Variants in CRPPA observed in about 807,000 individuals in gnomAD.
CRPPA encodes CDP-L-ribitol pyrophosphorylase A.
A neutral mutation model predicts 52.0 loss-of-function variants in CRPPA; 43 were observed. That is an observed-to-expected ratio of 0.83 (90% CI 0.65 to 1.07). The LOEUF (loss-of-function observed/expected upper bound fraction) is 1.07. Ranked by LOEUF, CRPPA falls within the 50% of genes least tolerant of loss-of-function variation. The pLI is 0.00. For missense variants in CRPPA, 629 were observed against 551.7 expected (o/e 1.14, Z -1.40); for synonymous variants, 250 against 203.5 (o/e 1.23, Z -1.94).
intron 2 of CRPPA, among the ~76,000 whole-genome samples, chr7:16,381,920 A>G (rs1172562698): frequency 6.6e-6 from 1 of 152,132 alleles, no homozygotes; most frequent in Admixed American, 6.5e-5. Context: ...AATACAGTGC[A>G]CTGATGGGTC....
At chr7:16,130,619 T>A (rs1246834783) in intron 9 of CRPPA, among the ~76,000 whole-genome samples, 1 of 152,234 alleles carries the variant, frequency 6.6e-6, no homozygotes, top group Non-Finnish European at 1.5e-5. Context: ...CCTGGAATGT[T>A]CTCTTTTCCT....
At chr7:16,139,091 C>G (rs999032746) in intron 9 of CRPPA, among the ~76,000 whole-genome samples, 2 of 152,064 alleles carry the variant, frequency 1.3e-5, no homozygotes, top group Admixed American at 6.6e-5. Context: ...TATGAGCTAC[C>G]ACGCCTGGCC....
chr7:16,263,536 G>A (rs959127541), intron 6 of CRPPA, among the ~76,000 whole-genome samples: 1 of 152,156 alleles, frequency 6.6e-6, no homozygotes, highest in African/African-American at 2.4e-5. Context: ...TGGATCACCT[G>A]AGGTCAGGAG....
At chr7:16,130,184 T>C (rs1198958484) in intron 9 of CRPPA, among the ~76,000 whole-genome samples, 1 of 152,200 alleles carries the variant, frequency 6.6e-6, no homozygotes, top group Non-Finnish European at 1.5e-5. Context: ...TTAATGGGAA[T>C]AGATGACATT....
chr7:16,278,245 A>C lies in CRPPA; in HGVS notation c.836-19T>G. On this transcript the variant is annotated intron_variant, in intron 5 of 9. Transcript: ENST00000407010. ...ATTCTCTCTGAAATTAAAAAAAAAA[A>C]GTTTTAAGTTTCAAACAAAACATGT... 1 of 1,284,444 alleles carries C rather than the reference A, an allele frequency of 7.8e-7. No individual in the cohort carries two copies. Among genetic ancestry groups the C allele is most frequent in the Middle Eastern group, 1.9e-4 (1 of 5,258 alleles). 79.6% of individuals were successfully genotyped at this position (1,284,444 alleles called of 1,614,324 possible). A position where few individuals can be genotyped will look rare whatever the true frequency, so the allele number is the denominator to read the frequency against.
intron 2 of CRPPA, among the ~76,000 whole-genome samples, chr7:16,386,020 C>A (rs998920198): frequency 3.9e-5 from 6 of 152,242 alleles, no homozygotes; most frequent in Non-Finnish European, 8.8e-5. Context: ...AAATGTTAAC[C>A]AGCTCAGTGC....
At chr7:16,225,279 A>G (rs1217182224) in intron 8 of CRPPA, among the ~76,000 whole-genome samples, 1 of 152,062 alleles carries the variant, frequency 6.6e-6, no homozygotes, top group Non-Finnish European at 1.5e-5. Context: ...CTTCAAAAGT[A>G]TTTTAAGTCA....
intron 9 of CRPPA, among the ~76,000 whole-genome samples, chr7:16,145,155 T>C (rs1405628236): frequency 1.3e-5 from 2 of 152,202 alleles, no homozygotes; most frequent in Non-Finnish European, 2.9e-5. Flanking sequence ...TGTTCTACCA[T>C]AGTCTGGAAG....
At chr7:16,259,131 A>T (rs550533620) in intron 6 of CRPPA, 119 bp from the exon 7 acceptor site, 86 of 475,190 alleles carry the variant, frequency 1.8e-4, no homozygotes, top group East Asian at 5.5e-4. Context: ...TATATTTTTT[A>T]AAAAAATGAA....
chr7:16,218,317 G>A (rs1296054656), intron 8 of CRPPA, among the ~76,000 whole-genome samples: 257 of 126,998 alleles, frequency 2.0e-3, no homozygotes, highest in Non-Finnish European at 2.8e-4. Flanking sequence ...GGAACAACCG[G>A]TACCAGCCGC....
intron 2 of CRPPA, among the ~76,000 whole-genome samples, chr7:16,383,840 C>G (rs1177386302): frequency 6.6e-6 from 1 of 152,180 alleles, no homozygotes; most frequent in Non-Finnish European, 1.5e-5. Flanking sequence ...TTTTTTAAGC[C>G]CGTCGGAAAA....
chr7:16,134,795 G>T (rs1405156988), intron 9 of CRPPA, among the ~76,000 whole-genome samples: 2 of 152,154 alleles, frequency 1.3e-5, no homozygotes, highest in Admixed American at 1.3e-4. Context: ...GCCAGATCAT[G>T]TACAAATTTA....
At chr7:16,103,120 C>T (rs1307668296) in intron 9 of CRPPA, among the ~76,000 whole-genome samples, 1 of 152,126 alleles carries the variant, frequency 6.6e-6, no homozygotes, top group Non-Finnish European at 1.5e-5. Context: ...GAATACTATG[C>T]AGCCATAAAA....
rs375385247 is a variant in CRPPA, at chr7:16,221,158, A to G, written c.1120-4961T>C. 1.6e-4 allele frequency among the ~76,000 whole-genome samples: 25 copies of G among 152,186 alleles called. No individual in the cohort carries two copies. The East Asian group carries it at 1.7e-3, about 11-fold the overall frequency. On this transcript the variant is annotated intron_variant, in intron 8 of 9. Transcript: ENST00000407010. Reference sequence around the variant, plus strand: ...TAACGCCACATATCTACAACTATCTAATCTTTGACAAACCTGAGAAAAACA... The same window carrying G: ...TAACGCCACATATCTACAACTATCTGATCTTTGACAAACCTGAGAAAAACA...
chr7:16,111,200 G>T (rs754644301), intron 9 of CRPPA, among the ~76,000 whole-genome samples: 1 of 152,044 alleles, frequency 6.6e-6, no homozygotes, highest in African/African-American at 2.4e-5. Context: ...GTAATCACTA[G>T]AGAAATGCAA....
chr7:16,327,374 T>C (rs897978411), intron 3 of CRPPA, among the ~76,000 whole-genome samples: 1 of 150,962 alleles, frequency 6.6e-6, no homozygotes, highest in Non-Finnish European at 1.5e-5. Context: ...GGGTGGATCA[T>C]GAGGTCAGGA....
chr7:16,108,948 T>C (rs1321058646), intron 9 of CRPPA, among the ~76,000 whole-genome samples: 1 of 151,828 alleles, frequency 6.6e-6, no homozygotes. Flanking sequence ...AGGAGAAAGT[T>C]TGTAATGATA....
At chr7:16,309,562 G>C (rs1784990363) in intron 3 of CRPPA, among the ~76,000 whole-genome samples, 1 of 152,140 alleles carries the variant, frequency 6.6e-6, no homozygotes, top group African/African-American at 2.4e-5. Flanking sequence ...ATCAAAAGGT[G>C]CTTTGCAAAG....
At chr7:16,186,251 T>A (rs1394326062) in intron 9 of CRPPA, among the ~76,000 whole-genome samples, 9 of 152,220 alleles carry the variant, frequency 5.9e-5, no homozygotes, top group Non-Finnish European at 1.2e-4. Flanking sequence ...CAGCTAATCC[T>A]ATGGTATTTG....
Sources: gnomAD v4.1 joint callset for allele counts (sites outside exome capture counted in the v4.1 genomes callset) on GRCh38, gnomAD v4.1.1 for gene constraint, MANE v1.5 for transcripts, NCBI Gene and HGNC (gene_info 2026-07-23, HGNC 2026-07-21) for gene names.